The following HGF variants were observed in gnomAD, a reference collection of about 807,000 sequenced individuals.
HGF encodes the protein fibroblast-derived tumor cytotoxic factor.
In HGF, 39 loss-of-function variants were observed where a neutral mutation model predicts 111.6. That is an observed-to-expected ratio of 0.35 (90% CI 0.27 to 0.46). The LOEUF is 0.46. Ranked by LOEUF, HGF falls within the 20% of genes least tolerant of loss-of-function variation. The pLI is 1.00. For missense variants in HGF, 735 were observed against 910.5 expected (o/e 0.81, Z 2.48); for synonymous variants, 285 against 294.8 (o/e 0.97, Z 0.34).
intron 14 of HGF, 143 bp from the exon 15 acceptor site, chr7:81,706,570 A>G: frequency 1.5e-6 from 1 of 666,066 alleles, no homozygotes; most frequent in South Asian, 1.9e-5. Context: ...AGAACAACAC[A>G]TTTGTTATGG....
chr7:81,703,273 A>C (rs1410256134), intron 17 of HGF, among the ~76,000 whole-genome samples: 2 of 150,412 alleles, frequency 1.3e-5, no homozygotes, highest in South Asian at 2.1e-4. Flanking sequence ...CCTGCCCTAC[A>C]TGATCTTAAC....
chr7:81,766,207 T>C (rs1368936781), intron 1 of HGF, among the ~76,000 whole-genome samples: 1 of 152,160 alleles, frequency 6.6e-6, no homozygotes, highest in Non-Finnish European at 1.5e-5. Flanking sequence ...GTACCTCATA[T>C]ATTTTCTTCT....
rs1417127872 is a variant in HGF, at chr7:81,699,715, A to G, written c.*2866T>C. ...TGTGGCTATAACATTCACTTTGTAC[A>G]GTACCATTGGTACCAACAAGAAATA... On this transcript the variant is annotated 3_prime_UTR_variant, in exon 18 of 18. Transcript: ENST00000222390. 1 of 151,712 alleles carries G rather than the reference A, an allele frequency of 6.6e-6. No homozygotes were observed. The highest frequency in any genetic ancestry group is 1.5e-5 in the Non-Finnish European group (1 of 67,726). The allele number at this position is 151,712 out of a possible 1,614,324, so 9.4% of individuals were successfully genotyped here. A position where few individuals can be genotyped will look rare whatever the true frequency, so the allele number is the denominator to read the frequency against.
Position 81,720,776 on chromosome 7 carries a change from T to G in HGF, c.1240A>C (p.Met414Leu). 6.2e-7 allele frequency: 1 copy of G among 1,612,802 alleles called. No individual in the cohort carries two copies. The highest frequency in any genetic ancestry group is 8.5e-7 in the Non-Finnish European group (1 of 1,178,820). Residue 414 changes from methionine (M) to leucine (L), a missense_variant, in exon 10 of 18, where the codon ATG becomes CTG. This residue lies in a region of HGF where 553 missense variants were observed against 685.6 expected (regional missense o/e 0.81). Transcript: ENST00000222390. Reference sequence around the variant, plus strand: ...AAGTCTTCCATGTTCTTGTCCCACATTGAACATGTTAGTCCAGATCTTGTT... The same window carrying G: ...AAGTCTTCCATGTTCTTGTCCCACAGTGAACATGTTAGTCCAGATCTTGTT... ...SQTRSGLTCS[M>L]WDKNMEDLHR...
At chr7:81,710,047 G>A (rs1789531073) in intron 13 of HGF, 100 bp downstream of exon 13, 1 of 827,216 alleles carries the variant, frequency 1.2e-6, no homozygotes, top group Non-Finnish European at 2.1e-6. Flanking sequence ...GTGCCCTGTG[G>A]AGGGTACAAC....
intron 1 of HGF, among the ~76,000 whole-genome samples, chr7:81,766,904 C>T (rs1392265451): frequency 1.3e-5 from 2 of 152,214 alleles, no homozygotes; most frequent in Non-Finnish European, 2.9e-5. Flanking sequence ...GCATGACCTT[C>T]AATCCTATCC....
intron 1 of HGF, among the ~76,000 whole-genome samples, chr7:81,766,046 C>G (rs1789340963): frequency 6.6e-6 from 1 of 152,148 alleles, no homozygotes; most frequent in Admixed American, 6.5e-5. Flanking sequence ...AGCTATATTT[C>G]CTGAAGAACC....
At chr7:81,715,347 T>C (rs1236984417) in intron 11 of HGF, among the ~76,000 whole-genome samples, 1 of 152,018 alleles carries the variant, frequency 6.6e-6, no homozygotes, top group African/African-American at 2.4e-5. Flanking sequence ...ATAATAATCT[T>C]TTAATAATTT....
chr7:81,711,746 C>G (rs1054749875), intron 11 of HGF, among the ~76,000 whole-genome samples: 2 of 152,170 alleles, frequency 1.3e-5, no homozygotes, highest in East Asian at 1.9e-4. Context: ...CAGGTTCAAG[C>G]GATTCTCCTG....
In HGF at chr7:81,742,782, A is replaced by G; in HGVS notation, c.865+571T>C. The G allele has an allele frequency of 1.2e-5, 18 of 1,537,954 alleles. 1 individual carries two copies. The highest frequency in any genetic ancestry group is 1.6e-5 in the Non-Finnish European group (18 of 1,141,442). On this transcript the variant is annotated intron_variant, in intron 7 of 17. Transcript: ENST00000222390. ...GATTGTATGGACTGCTAAAAGACAG[A>G]TCGAAACAGAATGCAGGCTGGGTAC...
At chr7:81,722,472 T>A (rs1789889286) in intron 9 of HGF, among the ~76,000 whole-genome samples, 1 of 151,856 alleles carries the variant, frequency 6.6e-6, no homozygotes. Flanking sequence ...GCCATATTGT[T>A]CATATTTTTA....
chr7:81,756,124 T>C (rs957170002), intron 4 of HGF: 1 of 692,424 alleles, frequency 1.4e-6, no homozygotes, highest in Non-Finnish European at 2.6e-6. Flanking sequence ...TGCCCTGAAG[T>C]TGTTAAAAGC....
Position 81,769,889 on chromosome 7 carries a change from T to G in HGF, c.83A>C (p.Tyr28Ser). 1 of 1,564,272 alleles carries G rather than the reference T, an allele frequency of 6.4e-7. No homozygotes were observed. The highest frequency in any genetic ancestry group is 8.7e-7 in the Non-Finnish European group (1 of 1,153,164). ...AGAAGAAGAAGGGAACTAACCTGCA[T>G]AGGGGATGGCGATGGGGAGCAGGAG... is the stretch of plus-strand genomic sequence containing the variant. Reference protein sequence around the residue: ...HLLLLPIAIPYAEGQRKRRNT... With the variant: ...HLLLLPIAIPSAEGQRKRRNT... Residue 28 changes from tyrosine to serine, a missense_variant, in exon 1 of 18, where the codon TAT (tyrosine) becomes TCT (serine). Transcript: ENST00000222390.
chr7:81,746,545 G>T, intron 5 of HGF, among the ~76,000 whole-genome samples: 1 of 152,060 alleles, frequency 6.6e-6, no homozygotes, highest in East Asian at 1.9e-4. Flanking sequence ...ATCGTTATTT[G>T]TTCCTTCGTG....
chr7:81,761,930 G>C (rs185207197), intron 2 of HGF, among the ~76,000 whole-genome samples: 7 of 152,220 alleles, frequency 4.6e-5, no homozygotes, highest in Admixed American at 3.3e-4. Context: ...ATGGGGTTCA[G>C]CTCCTATGAG....
chr7:81,706,372 C>A lies in HGF; in HGVS notation c.1672G>T (p.Asp558Tyr). Residue 558 changes from aspartate (D) to tyrosine (Y), a missense_variant, in exon 15 of 18, where the codon GAT (aspartate) becomes TAT (tyrosine). Asp to Tyr is a radical substitution (Grantham distance 160). Around this residue, in one of 3 missense-constraint regions of HGF, gnomAD observed 130 missense variants for 129.9 expected, o/e 1.00. Transcript: ENST00000222390. Reference sequence around the variant, plus strand: ...TTGAGAACCTGTTTGCATTTCTCATCTCCTCTTCCGTGGACATCATGAATT... The same window carrying A: ...TTGAGAACCTGTTTGCATTTCTCATATCCTCTTCCGTGGACATCATGAATT... ...LGIHDVHGRG[D>Y]EKCKQVLNVS... 6.2e-7 allele frequency: 1 copy of A among 1,611,384 alleles called. No individual in the cohort carries two copies. Among genetic ancestry groups the A allele is most frequent in the Non-Finnish European group, 8.5e-7 (1 of 1,177,802 alleles).
intron 1 of HGF, among the ~76,000 whole-genome samples, chr7:81,768,367 A>G (rs1471913280): frequency 2.0e-5 from 3 of 152,062 alleles, no homozygotes; most frequent in Non-Finnish European, 4.4e-5. Context: ...ACCAGCAGTC[A>G]TCTGTGAAGC....
At chr7:81,744,856 C>T in intron 6 of HGF, 144 bp downstream of exon 6, 1 of 937,810 alleles carries the variant, frequency 1.1e-6, no homozygotes, top group Non-Finnish European at 1.6e-6. Flanking sequence ...CAGAAGAACT[C>T]CTGAACATTC....
chr7:81,767,927 TA>T (rs887041480), intron 1 of HGF, among the ~76,000 whole-genome samples: 7 of 152,144 alleles, frequency 4.6e-5, no homozygotes, highest in South Asian at 4.1e-4. Context: ...TAAAGGTTAT[TA>T]AAAAAAACTA....
Sources: allele counts gnomAD v4.1 joint callset (sites outside exome capture counted in the v4.1 genomes callset), GRCh38; gene constraint gnomAD v4.1.1; regional missense constraint gnomAD v4.1.1; transcripts MANE v1.5; gene names NCBI Gene and HGNC (gene_info 2026-07-23, HGNC 2026-07-21).